The following KRT86 variants were observed in gnomAD, a reference collection of about 807,000 sequenced individuals.
KRT86 encodes keratin, type II cuticular Hb6.
A neutral mutation model predicts 41.2 loss-of-function variants in KRT86; 30 were observed. The ratio of observed to expected loss-of-function variants is 0.73; its 90% CI spans 0.54 to 0.99. The LOEUF is 0.99. Ranked by LOEUF, KRT86 falls within the 50% of genes least tolerant of loss-of-function variation. The pLI is 0.00. For missense variants in KRT86, 561 were observed against 571.4 expected, an observed-to-expected ratio of 0.98 and a Z score of 0.19; for synonymous variants, 238 against 238.1, an observed-to-expected ratio of 1.00 and a Z score of 0.00.
At position 52,304,936 on chromosome 12, in the gene KRT86, T is replaced by C. The variant is rs1592438620; in HGVS notation, c.644T>C (p.Val215Ala). ...CAACACTCCCCACCTTTCCAGGATG[T>C]GGACTGCGCCTACCTCCGCAAATCA... Reference protein sequence around the residue: ...ENEFVALKKDVDCAYLRKSDL... With the variant: ...ENEFVALKKDADCAYLRKSDL... Residue 215 changes from valine (V) to alanine (A), a missense_variant, in exon 6 of 11, where the codon GTG becomes GCG. Physicochemically the swap from Val to Ala is moderately conservative, Grantham distance 64 (BLOSUM62 0). This residue lies in a region of KRT86 where 397 missense variants were observed against 375.9 expected (regional missense o/e 1.06). Coordinates refer to ENST00000423955, the MANE Select transcript of KRT86 (RefSeq NM_001320198.2). 7 of 1,614,024 alleles carry C rather than the reference T, an allele frequency of 4.3e-6. No individual in the cohort carries two copies. In the East Asian group the frequency reaches 1.6e-4, roughly 36 times the overall value.
intron 2 of KRT86, among the ~76,000 whole-genome samples, chr12:52,297,371 C>T (rs1182678327): frequency 6.6e-6 from 1 of 152,204 alleles, no homozygotes; most frequent in Non-Finnish European, 1.5e-5. Context: ...CCTTCCTCCT[C>T]TTAATGCCTC....
chr12:52,285,269 C>G (rs757298666), intron 2 of KRT86, among the ~76,000 whole-genome samples: 1 of 152,046 alleles, frequency 6.6e-6, no homozygotes, highest in Non-Finnish European at 1.5e-5. Flanking sequence ...TGTCCCCCCT[C>G]TATGCCACAT....
intron 2 of KRT86, among the ~76,000 whole-genome samples, chr12:52,294,688 G>A (rs1938209918): frequency 6.6e-6 from 1 of 152,298 alleles, no homozygotes; most frequent in South Asian, 2.1e-4. Context: ...AATAGAACAT[G>A]TGTGTATTTC....
chr12:52,299,993 G>A (rs1045279347), intron 2 of KRT86, among the ~76,000 whole-genome samples: 1 of 152,176 alleles, frequency 6.6e-6, no homozygotes, highest in Non-Finnish European at 1.5e-5. Flanking sequence ...CTTTGGTTTT[G>A]AGGTCTCAAT....
intron 3 of KRT86, among the ~76,000 whole-genome samples, chr12:52,302,873 AG>A (rs1253560370): frequency 1.4e-5 from 2 of 140,762 alleles, no homozygotes; most frequent in African/African-American, 5.3e-5. Flanking sequence ...CCCAGGGAGC[AG>A]GCACTGACAC....
rs540690422 is a variant in KRT86 at position 52,305,093 on chromosome 12, T to C, written c.735+66T>C. ...GAGAGGAGAGATGGGGGTGGGAGTG[T>C]TGGACAGGATGTGGGTAGAGGTTGC... On this transcript the variant is annotated intron_variant, in intron 6 of 10. Coordinates refer to ENST00000423955, the MANE Select transcript of KRT86 (RefSeq NM_001320198.2). The C allele has an allele frequency of 4.8e-5, 77 of 1,608,816 alleles. No individual in the cohort carries two copies. In the African/African-American group the frequency reaches 9.9e-4, roughly 21 times the overall value.
At chr12:52,286,813 T>C (rs773529374) in intron 2 of KRT86, 10 of 1,613,950 alleles carry the variant, frequency 6.2e-6, no homozygotes, top group Non-Finnish European at 8.5e-6. Context: ...CCCCAATGCC[T>C]TCACATAGCC....
intron 2 of KRT86, chr12:52,278,914 C>G (rs1261638011): frequency 6.6e-6 from 1 of 152,224 alleles, no homozygotes; most frequent in African/African-American, 2.4e-5. Context: ...GTCCTGTGGT[C>G]TGTTCTCTGG....
chr12:52,292,356 G>A (rs185962300), intron 2 of KRT86, among the ~76,000 whole-genome samples: 1 of 152,172 alleles, frequency 6.6e-6, no homozygotes, highest in Non-Finnish European at 1.5e-5. Flanking sequence ...TAATTCCAAA[G>A]CACCACTTAC....
At chr12:52,291,302 C>G in intron 2 of KRT86, 14 of 1,542,956 alleles carry the variant, frequency 9.1e-6, no homozygotes, top group Non-Finnish European at 1.1e-5. Flanking sequence ...GGAGCCGGCC[C>G]GAAAGCCTCC....
chr12:52,279,744 T>C (rs2121197938), intron 2 of KRT86, among the ~76,000 whole-genome samples: 2 of 152,184 alleles, frequency 1.3e-5, no homozygotes, highest in South Asian at 2.1e-4. Context: ...CCGGAGTCCA[T>C]GGGGAAAGCG....
At chr12:52,282,423 A>G (rs1937797167) in intron 2 of KRT86, among the ~76,000 whole-genome samples, 1 of 151,656 alleles carries the variant, frequency 6.6e-6, no homozygotes, top group African/African-American at 2.4e-5. Context: ...TTTTTAGTAG[A>G]GACGATGTTT....
Position 52,300,130 on chromosome 12 carries a change from A to T in KRT86, c.-4-1783A>T, listed in dbSNP as rs117361965. On this transcript the variant is annotated intron_variant, in intron 2 of 10. Coordinates refer to ENST00000423955, the MANE Select transcript of KRT86 (RefSeq NM_001320198.2). ...TAATTTGGTTTTTGTATACAGTGAG[A>T]AATAGATATTTCAACTTTTCTGCTG... Among the ~76,000 whole-genome samples the T allele has an allele frequency of 8.3e-3, 1,270 of 152,332 alleles. 5 individuals carry two copies. The highest frequency in any genetic ancestry group is 0.013 in the Non-Finnish European group (911 of 68,038).
At chr12:52,288,416 G>A in intron 2 of KRT86, 1 of 1,614,138 alleles carries the variant, frequency 6.2e-7, no homozygotes, top group Admixed American at 1.7e-5. Flanking sequence ...CTCCACGTTG[G>A]CCTCCAGGTC....
In KRT86 at chr12:52,305,333, G is replaced by A. The variant is rs376581340; in HGVS notation, c.829G>A (p.Glu277Lys). The change falls in exon 7 of 11, where the codon GAG becomes AAG. Residue 277 changes from glutamate to lysine, a missense_variant. By Grantham distance (56) the Glu-to-Lys change is moderately conservative (BLOSUM62 1). Around this residue, in one of 3 missense-constraint regions of KRT86, gnomAD observed 397 missense variants for 375.9 expected, o/e 1.06. Transcript: ENST00000423955. Reference sequence around the variant, plus strand: ...CCTGAACATGGACTGCATCATTGCCGAGATCAAGGCACAGTACGATGACAT... The same window carrying A: ...CCTGAACATGGACTGCATCATTGCCAAGATCAAGGCACAGTACGATGACAT... The part of the protein sequence containing the change: ...RDLNMDCIIA[E>K]IKAQYDDIVT... 2.4e-5 allele frequency: 39 copies of A among 1,614,106 alleles called. No individual in the cohort carries two copies. The highest frequency in any genetic ancestry group is 3.3e-5 in the South Asian group (3 of 91,092).
intron 2 of KRT86, among the ~76,000 whole-genome samples, chr12:52,283,808 A>T (rs1937839591): frequency 6.6e-6 from 1 of 151,386 alleles, no homozygotes; most frequent in Non-Finnish European, 1.5e-5. Flanking sequence ...TAGCAGATAC[A>T]CTAAGGCCCA....
At chr12:52,304,466 G>A (rs1422063056) in intron 5 of KRT86, among the ~76,000 whole-genome samples, 3 of 148,156 alleles carry the variant, frequency 2.0e-5, no homozygotes, top group Non-Finnish European at 4.4e-5. Context: ...TGGAGCCATA[G>A]CAGATACAAT....
At chr12:52,291,494 G>A (rs1486959649) in intron 2 of KRT86, 2 of 1,611,430 alleles carry the variant, frequency 1.2e-6, no homozygotes, top group East Asian at 2.2e-5. Context: ...GGTTGCAGAG[G>A]ACAGGATAGG....
At chr12:52,286,998 A>T in intron 2 of KRT86, 1 of 1,597,270 alleles carries the variant, frequency 6.3e-7, no homozygotes, top group Non-Finnish European at 8.6e-7. Context: ...GAATAATAAT[A>T]TTTTTTTCCC....
Sources: gnomAD v4.1 joint callset for allele counts (sites outside exome capture counted in the v4.1 genomes callset) on GRCh38, gnomAD v4.1.1 for gene constraint, gnomAD v4.1.1 regional missense constraint, MANE v1.5 for transcripts, NCBI Gene and HGNC (gene_info 2026-07-23, HGNC 2026-07-21) for gene names.